The following PHLPP1 variants were observed in gnomAD, a reference collection of about 807,000 sequenced individuals.
PHLPP1 encodes the protein PH domain leucine-rich repeat-containing protein phosphatase 1.
Under a neutral mutation model 117.2 loss-of-function variants are expected in PHLPP1, and 42 were observed. The ratio of observed to expected loss-of-function variants is 0.36; its 90% CI spans 0.28 to 0.46. The LOEUF (loss-of-function observed/expected upper bound fraction) is 0.46. Among genes scored for constraint, PHLPP1 ranks in the 20% least tolerant of loss-of-function variants. The probability of loss-of-function intolerance (pLI) is 1.00; values close to 1 mark genes in which losing one functional copy is unlikely to be tolerated. For missense variants in PHLPP1, 2,084 were observed against 2,241.9 expected, an observed-to-expected ratio of 0.93 and a Z score of 1.42; for synonymous variants, 1,042 against 970.7, an observed-to-expected ratio of 1.07 and a Z score of -1.37.
At chr18:62,920,705 A>G (rs1909438608) in intron 10 of PHLPP1, among the ~76,000 whole-genome samples, 1 of 152,076 alleles carries the variant, frequency 6.6e-6, no homozygotes, top group African/African-American at 2.4e-5. Flanking sequence ...AACTACAGGC[A>G]TGTGCCACCA....
chr18:62,973,690 C>T (rs756036823), intron 15 of PHLPP1, among the ~76,000 whole-genome samples: 1 of 152,174 alleles, frequency 6.6e-6, no homozygotes, highest in Non-Finnish European at 1.5e-5. Context: ...TGCTGCTACA[C>T]TCACCCCTGA....
chr18:62,920,549 T>C (rs1254665266), intron 10 of PHLPP1, among the ~76,000 whole-genome samples: 7 of 152,152 alleles, frequency 4.6e-5, no homozygotes, highest in African/African-American at 1.7e-4. Flanking sequence ...TTTTTGTTGT[T>C]GGTGGTGTTT....
intron 1 of PHLPP1, among the ~76,000 whole-genome samples, chr18:62,743,353 C>T (rs1911584765): frequency 6.6e-6 from 1 of 151,184 alleles, no homozygotes; most frequent in Non-Finnish European, 1.5e-5. Flanking sequence ...CAAAAGTAGG[C>T]AAAATAATGT....
At chr18:62,840,161 T>C (rs942684800) in intron 3 of PHLPP1, among the ~76,000 whole-genome samples, 2 of 152,220 alleles carry the variant, frequency 1.3e-5, no homozygotes, top group African/African-American at 4.8e-5. Context: ...TTGAGAACAG[T>C]ATCTAGAAAA....
chr18:62,965,876 G>T, intron 14 of PHLPP1, among the ~76,000 whole-genome samples: 1 of 150,822 alleles, frequency 6.6e-6, no homozygotes. Context: ...CTACGTTACT[G>T]TATTTTTTTT....
Position 62,821,548 on chromosome 18 carries a change from C to CAAAAAA in PHLPP1, c.1577-8487_1577-8486insAAAAAA, listed in dbSNP as rs1568127680. ...TGGGTGACAGAGTGAGACCCTTTATCCAAAAAAAAAAAAAAAAAAAAAAGA... is the reference window on the plus strand; with the variant it reads ...TGGGTGACAGAGTGAGACCCTTTATCAAAAAACAAAAAAAAAAAAAAAAAAAAAAGA... On this transcript the variant is annotated intron_variant, in intron 1 of 16. Coordinates refer to ENST00000262719, the MANE Select transcript of PHLPP1 (RefSeq NM_194449.4). Among the ~76,000 whole-genome samples, 60 of 29,080 alleles carry CAAAAAA rather than the reference C, an allele frequency of 2.1e-3. 2 individuals carry two copies. The highest frequency in any genetic ancestry group is 5.3e-3 in the East Asian group (5 of 944). The allele number at this position is 29,080 out of a possible 152,430, so 19.1% of individuals were successfully genotyped here. A position where few individuals can be genotyped will look rare whatever the true frequency, so the allele number is the denominator to read the frequency against.
At chr18:62,809,666 C>T (rs1309921609) in intron 1 of PHLPP1, among the ~76,000 whole-genome samples, 3 of 151,904 alleles carry the variant, frequency 2.0e-5, no homozygotes, top group Non-Finnish European at 2.9e-5. Flanking sequence ...TGCGCCACTG[C>T]ACTCCAGCCT....
At chr18:62,783,315 C>T (rs777939415) in intron 1 of PHLPP1, among the ~76,000 whole-genome samples, 5 of 150,088 alleles carry the variant, frequency 3.3e-5, no homozygotes, top group Middle Eastern at 3.6e-3. Flanking sequence ...GCAAGCTCTG[C>T]CTCCTGGGTT....
intron 1 of PHLPP1, among the ~76,000 whole-genome samples, chr18:62,733,857 T>C (rs1204937473): frequency 6.6e-6 from 1 of 152,170 alleles, no homozygotes; most frequent in East Asian, 1.9e-4. Flanking sequence ...AATTATTGGT[T>C]CCAGATACAG....
intron 1 of PHLPP1, among the ~76,000 whole-genome samples, chr18:62,769,124 C>T (rs1335268651): frequency 6.6e-6 from 1 of 152,170 alleles, no homozygotes; most frequent in Non-Finnish European, 1.5e-5. Context: ...TGCTCATTCG[C>T]TTAGCATTCT....
chr18:62,936,365 T>C (rs554566119), intron 10 of PHLPP1, among the ~76,000 whole-genome samples: 1 of 152,246 alleles, frequency 6.6e-6, no homozygotes, highest in South Asian at 2.1e-4. Context: ...TAACAAACTG[T>C]AAGTAGAGGG....
At chr18:62,955,469 T>G (rs1910584423) in intron 12 of PHLPP1, among the ~76,000 whole-genome samples, 1 of 152,012 alleles carries the variant, frequency 6.6e-6, no homozygotes, top group Admixed American at 6.6e-5. Context: ...GCCAGAGCCC[T>G]CCGGGGGAAA....
At chr18:62,896,184 ACT>A (rs1452482228) in intron 6 of PHLPP1, among the ~76,000 whole-genome samples, 173 bp downstream of exon 6, 1 of 151,254 alleles carries the variant, frequency 6.6e-6, no homozygotes, top group East Asian at 1.9e-4. Flanking sequence ...ATTACTGGAA[ACT>A]CTCACTGATG....
Position 62,765,249 on chromosome 18 carries a change from C to T in PHLPP1, c.1576+47990C>T, listed in dbSNP as rs140200130. ...CATGGCCTTCTCATGTTCGATGCTA[C>T]GATCCCATTTTGGATATCTGGTCAT... is the stretch of plus-strand genomic sequence containing the variant. On this transcript the variant is annotated intron_variant, in intron 1 of 16. Transcript: ENST00000262719. Among the ~76,000 whole-genome samples, 1,370 of 152,268 alleles carry T rather than the reference C, an allele frequency of 9.0e-3. 8 individuals are homozygous for T. Among genetic ancestry groups the T allele is most frequent in the Non-Finnish European group, 0.012 (824 of 68,020 alleles).
intron 9 of PHLPP1, among the ~76,000 whole-genome samples, chr18:62,919,165 C>T (rs1909385522): frequency 6.6e-6 from 1 of 152,116 alleles, no homozygotes; most frequent in Admixed American, 6.6e-5. Context: ...CTTTTCCCCA[C>T]CCCCCAGATG....
chr18:62,919,303 A>T (rs1163963529), intron 9 of PHLPP1, among the ~76,000 whole-genome samples: 1 of 152,234 alleles, frequency 6.6e-6, no homozygotes, highest in Non-Finnish European at 1.5e-5. Flanking sequence ...TACAAGAAAC[A>T]CAGCCAAGCT....
intron 1 of PHLPP1, among the ~76,000 whole-genome samples, chr18:62,820,941 A>G (rs750000134): frequency 1.3e-5 from 2 of 152,254 alleles, no homozygotes; most frequent in African/African-American, 2.4e-5. Flanking sequence ...TAAACCAGAG[A>G]CCAATAAAAG....
intron 4 of PHLPP1, 38 bp downstream of exon 4, chr18:62,860,639 T>A: frequency 6.5e-7 from 1 of 1,546,244 alleles, no homozygotes; most frequent in South Asian, 1.2e-5. Flanking sequence ...TAGGAAGGGG[T>A]GGGGGCAGAA....
At chr18:62,949,179 A>G (rs1241569724) in intron 12 of PHLPP1, among the ~76,000 whole-genome samples, 1 of 152,232 alleles carries the variant, frequency 6.6e-6, no homozygotes, top group Admixed American at 6.5e-5. Context: ...AACTTAGCAG[A>G]TAACATTTCA....
Sources: gnomAD v4.1 joint callset for allele counts (sites outside exome capture counted in the v4.1 genomes callset) on GRCh38, gnomAD v4.1.1 for gene constraint, MANE v1.5 for transcripts, NCBI Gene and HGNC (gene_info 2026-07-23, HGNC 2026-07-21) for gene names.